MSRA: variants seen among roughly 807,000 people sequenced by gnomAD.
The protein encoded by MSRA is mitochondrial peptide methionine sulfoxide reductase.
Under a neutral mutation model 31.3 loss-of-function variants are expected in MSRA, and 54 were observed. The ratio of observed to expected loss-of-function variants is 1.73; its 90% confidence interval spans 1.39 to 2.17. The LOEUF (loss-of-function observed/expected upper bound fraction) is 2.17. Ranked by LOEUF, MSRA falls within the 30% of genes most tolerant of loss-of-function variation. The probability of loss-of-function intolerance (pLI) is 0.00; values close to 1 mark genes in which losing one functional copy is unlikely to be tolerated. For synonymous variants in MSRA, 169 were observed against 116.5 expected (o/e 1.45, Z -2.90); for missense variants, 507 against 300.9 (o/e 1.69, Z -5.07).
chr8:10,082,462 C>G (rs1798343861), intron 1 of MSRA, among the ~76,000 whole-genome samples: 1 of 152,148 alleles, frequency 6.6e-6, no homozygotes. Flanking sequence ...TTTCGCCCTC[C>G]TAAGAAAACA....
chr8:10,187,651 C>T (rs1001651208), intron 1 of MSRA, among the ~76,000 whole-genome samples: 1 of 152,156 alleles, frequency 6.6e-6, no homozygotes, highest in Non-Finnish European at 1.5e-5. Context: ...GTATTTCTTC[C>T]CATAGTGTTT....
chr8:10,238,833 C>G (rs1286667427), intron 2 of MSRA, among the ~76,000 whole-genome samples: 1 of 151,964 alleles, frequency 6.6e-6, no homozygotes, highest in Non-Finnish European at 1.5e-5. Context: ...TTATCTTTAT[C>G]TTTATATATG....
intron 3 of MSRA, among the ~76,000 whole-genome samples, chr8:10,255,415 G>A (rs1035376101): frequency 2.6e-5 from 4 of 152,170 alleles, no homozygotes; most frequent in South Asian, 2.1e-4. Context: ...AGAGCATCCC[G>A]TTCTCCCAGT....
intron 1 of MSRA, among the ~76,000 whole-genome samples, chr8:10,186,169 G>T (rs976241508): frequency 3.3e-4 from 50 of 152,150 alleles, no homozygotes; most frequent in African/African-American, 1.2e-3. Context: ...TTCCTATCAT[G>T]TATTCACCTC....
chr8:10,388,237 A>T (rs1453567303), intron 5 of MSRA, among the ~76,000 whole-genome samples: 1 of 152,158 alleles, frequency 6.6e-6, no homozygotes, highest in Admixed American at 6.5e-5. Flanking sequence ...TGGGAAGGTG[A>T]CCAGGAAAAC....
At chr8:10,391,756 C>G (rs1806764585) in intron 5 of MSRA, among the ~76,000 whole-genome samples, 1 of 152,218 alleles carries the variant, frequency 6.6e-6, no homozygotes, top group African/African-American at 2.4e-5. Flanking sequence ...CCAAGAAGAG[C>G]ATTTCATGTC....
At chr8:10,168,814 A>G (rs992651635) in intron 1 of MSRA, among the ~76,000 whole-genome samples, 3 of 152,240 alleles carry the variant, frequency 2.0e-5, no homozygotes, top group Admixed American at 1.3e-4. Context: ...AGGCTTCACT[A>G]AAGTAAATCA....
Position 10,223,678 on chromosome 8 carries a change from G to T in MSRA, c.211+15777G>T, listed in dbSNP as rs546998546. On this transcript the variant is annotated intron_variant, in intron 2 of 5. Transcript: ENST00000317173. Reference sequence around the variant, plus strand: ...CACCAGAAGCCCAGACAGATACTGGGACAGAAAATGTATTTGAGGAAATAA... The same window carrying T: ...CACCAGAAGCCCAGACAGATACTGGTACAGAAAATGTATTTGAGGAAATAA... Among the ~76,000 whole-genome samples, 9 of 152,284 alleles carry T rather than the reference G, an allele frequency of 5.9e-5. No homozygotes were observed. In the South Asian group the frequency reaches 1.9e-3, roughly 32 times the overall value.
chr8:10,340,008 G>T (rs182032598), intron 5 of MSRA, among the ~76,000 whole-genome samples: 64 of 152,274 alleles, frequency 4.2e-4, no homozygotes, highest in African/African-American at 1.5e-3. Context: ...GCTGCCTTGT[G>T]TGTGTCTACA....
chr8:10,073,319 A>T (rs1797834072), intron 1 of MSRA, among the ~76,000 whole-genome samples: 1 of 152,168 alleles, frequency 6.6e-6, no homozygotes. Flanking sequence ...CAGTGTTTTT[A>T]TCAGGAAAAG....
At chr8:10,194,720 A>G (rs983745929) in intron 1 of MSRA, among the ~76,000 whole-genome samples, 21 of 152,164 alleles carry the variant, frequency 1.4e-4, no homozygotes, top group Non-Finnish European at 2.9e-4. Flanking sequence ...AAATGGGATC[A>G]TCTTTGACAT....
chr8:10,185,245 G>C (rs564425348), intron 1 of MSRA, among the ~76,000 whole-genome samples: 43 of 152,286 alleles, frequency 2.8e-4, no homozygotes, highest in Non-Finnish European at 4.3e-4. Flanking sequence ...TATGCATCAC[G>C]ACTGGGGCTT....
intron 2 of MSRA, among the ~76,000 whole-genome samples, chr8:10,238,076 T>C (rs533174703): frequency 6.6e-6 from 1 of 152,346 alleles, no homozygotes; most frequent in African/African-American, 2.4e-5. Context: ...ACTATCTGGC[T>C]TATCTGATCT....
intron 1 of MSRA, among the ~76,000 whole-genome samples, chr8:10,131,090 T>C (rs748976319): frequency 1.3e-5 from 2 of 152,222 alleles, no homozygotes; most frequent in Non-Finnish European, 2.9e-5. Flanking sequence ...GCTTTGTTCC[T>C]TTGTTTCTTA....
chr8:10,204,078 A>G (rs1359319533), intron 1 of MSRA, among the ~76,000 whole-genome samples: 2 of 152,134 alleles, frequency 1.3e-5, no homozygotes, highest in African/African-American at 2.4e-5. Context: ...AAAAATGAAA[A>G]TTTTAAAAAC....
chr8:10,146,118 G>A (rs1409891212), intron 1 of MSRA, among the ~76,000 whole-genome samples: 2 of 152,188 alleles, frequency 1.3e-5, no homozygotes, highest in South Asian at 2.1e-4. Flanking sequence ...CCAGGAGTGT[G>A]TGGTTTGGAC....
At chr8:10,102,890 C>T (rs765039792) in intron 1 of MSRA, among the ~76,000 whole-genome samples, 14 of 152,102 alleles carry the variant, frequency 9.2e-5, no homozygotes, top group Admixed American at 2.6e-4. Flanking sequence ...GTACTGGGTG[C>T]AGTAACCTGG....
intron 5 of MSRA, among the ~76,000 whole-genome samples, chr8:10,392,413 A>C (rs1381017405): frequency 1.3e-5 from 2 of 152,152 alleles, no homozygotes; most frequent in African/African-American, 4.8e-5. Context: ...GTGGCTGGTC[A>C]GTGTCAAGGC....
chr8:10,361,441 T>C (rs946654537), intron 5 of MSRA, among the ~76,000 whole-genome samples: 2 of 152,190 alleles, frequency 1.3e-5, no homozygotes, highest in Non-Finnish European at 2.9e-5. Context: ...TTTTACGTGG[T>C]TGTGGCCCTG....
Sources: gnomAD v4.1 joint callset for allele counts (sites outside exome capture counted in the v4.1 genomes callset) on GRCh38, gnomAD v4.1.1 for gene constraint, MANE v1.5 for transcripts, NCBI Gene and HGNC (gene_info 2026-07-23, HGNC 2026-07-21) for gene names.